Variants in SAMD12 observed in about 807,000 individuals in gnomAD.
The protein encoded by SAMD12 is sterile alpha motif domain-containing protein 12.
In SAMD12, 9 loss-of-function variants were observed where a neutral mutation model predicts 15.0. The ratio of observed to expected loss-of-function variants is 0.60; its 90% CI spans 0.36 to 1.05. The LOEUF (loss-of-function observed/expected upper bound fraction) is 1.05, where lower values mean the gene tolerates loss of function less well. Ranked by LOEUF, SAMD12 falls within the 50% of genes least tolerant of loss-of-function variation. SAMD12 has a pLI of 0.01. For missense variants in SAMD12, 230 were observed against 234.2 expected, an observed-to-expected ratio of 0.98 and a Z score of 0.12; for synonymous variants, 86 against 90.1, an observed-to-expected ratio of 0.96 and a Z score of 0.25.
In SAMD12 at chr8:118,205,396, C is replaced by T. The variant is rs1819833497; in HGVS notation, c.434-7664G>A. Among the ~76,000 whole-genome samples, 3 of 152,344 alleles carry T rather than the reference C, an allele frequency of 2.0e-5. No homozygotes were observed. The South Asian group carries it at 6.2e-4, about 32-fold the overall frequency. On this transcript the variant is annotated intron_variant, in intron 4 of 4. Coordinates refer to the SAMD12 transcript ENST00000409003. ...TCATTCACCAAGTACTTCCTAGGTG[C>T]TTAGCATCAGGCTAAGAACCTGTGT...
At chr8:118,273,606 C>A (rs1185022025) in intron 4 of SAMD12, among the ~76,000 whole-genome samples, 1 of 152,120 alleles carries the variant, frequency 6.6e-6, no homozygotes, top group Non-Finnish European at 1.5e-5. Context: ...GTTCGGGAGA[C>A]CCTCCCAGAG....
chr8:118,242,333 A>G (rs549519038), intron 4 of SAMD12, among the ~76,000 whole-genome samples: 41 of 152,196 alleles, frequency 2.7e-4, no homozygotes, highest in Non-Finnish European at 5.9e-4. Context: ...ACCTTAAAGT[A>G]GGTATCTTGA....
At chr8:118,242,036 C>T (rs1420785273) in intron 4 of SAMD12, among the ~76,000 whole-genome samples, 1 of 152,102 alleles carries the variant, frequency 6.6e-6, no homozygotes, top group Non-Finnish European at 1.5e-5. Context: ...CCTCAGCCTC[C>T]CTAGAAGCTG....
At chr8:118,590,868 C>T (rs1001750617) in intron 1 of SAMD12, among the ~76,000 whole-genome samples, 2 of 152,042 alleles carry the variant, frequency 1.3e-5, no homozygotes, top group African/African-American at 4.8e-5. Context: ...AAATGCTTCA[C>T]TAAGCAATTA....
the SAMD12 span, among the ~76,000 whole-genome samples, chr8:118,143,856 GT>G: frequency 6.6e-6 from 1 of 152,130 alleles, no homozygotes; most frequent in Non-Finnish European, 1.5e-5. Flanking sequence ...CCAGATCCTT[GT>G]TTATTTACTC....
chr8:118,208,316 G>C (rs1272844980), intron 4 of SAMD12, among the ~76,000 whole-genome samples: 1 of 152,180 alleles, frequency 6.6e-6, no homozygotes, highest in Non-Finnish European at 1.5e-5. Context: ...CCTTACAACA[G>C]TGATGACATT....
intron 2 of SAMD12, among the ~76,000 whole-genome samples, chr8:118,514,582 G>A (rs1220479279): frequency 1.3e-5 from 2 of 152,136 alleles, no homozygotes; most frequent in African/African-American, 4.8e-5. Flanking sequence ...TATTTAGGTT[G>A]TATACCATCT....
chr8:118,275,304 T>G (rs1813447128), intron 4 of SAMD12, among the ~76,000 whole-genome samples: 1 of 152,186 alleles, frequency 6.6e-6, no homozygotes. Flanking sequence ...CTCTATCAAT[T>G]AAAAAACCAA....
chr8:118,450,706 G>A (rs957064561), intron 2 of SAMD12, among the ~76,000 whole-genome samples: 1 of 152,006 alleles, frequency 6.6e-6, no homozygotes, highest in African/African-American at 2.4e-5. Flanking sequence ...ATGACTAAAG[G>A]TCCTCTGCCA....
At chr8:118,194,175 C>T (rs1002120824) in exon 5 of SAMD12, 9 of 152,120 alleles carry the variant, frequency 5.9e-5, no homozygotes, top group South Asian at 2.1e-4. Context: ...ACAGCTGATA[C>T]GCCTTTTCTC....
In SAMD12 at chr8:118,434,890, G is replaced by A. The variant is rs1347563224; in HGVS notation, c.322+4942C>T. The stretch of plus-strand genomic sequence containing the variant: ...CCGAGGCGGGCGGATCACGAGGTCA[G>A]GAGATCGAGACCATCCCGGCTAAAA... On this transcript the variant is annotated intron_variant, in intron 3 of 3. Coordinates refer to ENST00000314727, the MANE Select transcript of SAMD12 (RefSeq NM_207506.3). Among the ~76,000 whole-genome samples, 2 of 27,004 alleles carry A rather than the reference G, an allele frequency of 7.4e-5. 1 individual carries two copies. The highest frequency in any genetic ancestry group is 2.4e-4 in the Non-Finnish European group (2 of 8,482). The allele number at this position is 27,004 out of a possible 152,430, so 17.7% of individuals were successfully genotyped here.
At chr8:118,441,799 G>A (rs1418178488) in intron 2 of SAMD12, among the ~76,000 whole-genome samples, 4 of 152,128 alleles carry the variant, frequency 2.6e-5, no homozygotes, top group Non-Finnish European at 4.4e-5. Context: ...TGTGACTTCT[G>A]AGGTTAGGTC....
intron 1 of SAMD12, among the ~76,000 whole-genome samples, chr8:118,603,802 G>T (rs1827922620): frequency 6.6e-6 from 1 of 151,988 alleles, no homozygotes; most frequent in Non-Finnish European, 1.5e-5. Context: ...TTTGGTGGGG[G>T]GAATTTCTTC....
intron 4 of SAMD12, among the ~76,000 whole-genome samples, chr8:118,251,744 A>T (rs762334412): frequency 6.6e-5 from 10 of 152,004 alleles, no homozygotes; most frequent in Non-Finnish European, 1.5e-4. Context: ...CGTACCTAAT[A>T]CCTAATTCAC....
chr8:118,515,867 T>A (rs1825230216), intron 2 of SAMD12, among the ~76,000 whole-genome samples: 1 of 152,230 alleles, frequency 6.6e-6, no homozygotes, highest in Non-Finnish European at 1.5e-5. Flanking sequence ...TGGACTCTGG[T>A]AGACTCCAGT....
intron 3 of SAMD12, among the ~76,000 whole-genome samples, chr8:118,429,903 A>C (rs1362276697): frequency 6.6e-6 from 1 of 151,562 alleles, no homozygotes; most frequent in Non-Finnish European, 1.5e-5. Flanking sequence ...CACACATACA[A>C]AAATAGATTA....
At chr8:118,488,253 T>C (rs576723685) in intron 2 of SAMD12, among the ~76,000 whole-genome samples, 3 of 152,184 alleles carry the variant, frequency 2.0e-5, no homozygotes, top group Non-Finnish European at 2.9e-5. Context: ...ACAAGTTGCA[T>C]CATCTGAAGG....
the SAMD12 span, among the ~76,000 whole-genome samples, chr8:118,158,436 G>A: frequency 1.3e-5 from 2 of 152,350 alleles, no homozygotes; most frequent in African/African-American, 4.8e-5. Flanking sequence ...GCTGGGGACA[G>A]GTGGAAGTCT....
chr8:118,386,617 A>G (rs1819978611), intron 3 of SAMD12, among the ~76,000 whole-genome samples: 1 of 152,190 alleles, frequency 6.6e-6, no homozygotes, highest in Admixed American at 6.5e-5. Flanking sequence ...TGTGCTCCTC[A>G]TGGAGAAGTG....
Sources: gnomAD v4.1 joint callset for allele counts (sites outside exome capture counted in the v4.1 genomes callset) on GRCh38, gnomAD v4.1.1 for gene constraint, MANE v1.5 for transcripts, NCBI Gene and HGNC (gene_info 2026-07-23, HGNC 2026-07-21) for gene names.